Variants in TAF2 observed in about 807,000 individuals in gnomAD.
The protein encoded by TAF2 is transcription initiation factor TFIID subunit 2.
A neutral mutation model predicts 138.5 loss-of-function variants in TAF2; 61 were observed. That is an observed-to-expected ratio of 0.44 (90% CI 0.36 to 0.54). The LOEUF (loss-of-function observed/expected upper bound fraction) is 0.54. Among genes scored for constraint, TAF2 ranks in the 20% least tolerant of loss-of-function variants. The pLI, the probability that TAF2 is intolerant of heterozygous loss-of-function variation, is 0.00. For synonymous variants in TAF2, 475 were observed against 469.9 expected (o/e 1.01, Z -0.14); for missense variants, 1,090 against 1,427.9 (o/e 0.76, Z 3.81).
chr8:119,793,159 A>C (rs1823559969), intron 10 of TAF2, among the ~76,000 whole-genome samples: 1 of 152,162 alleles, frequency 6.6e-6, no homozygotes, highest in Admixed American at 6.5e-5. Context: ...TTTATAATCA[A>C]TCTGATATTT....
At chr8:119,740,325 G>A (rs1819509638) in intron 25 of TAF2, among the ~76,000 whole-genome samples, 1 of 151,868 alleles carries the variant, frequency 6.6e-6, no homozygotes, top group Non-Finnish European at 1.5e-5. Context: ...GAGTTGTAAA[G>A]CTTTTGTTGG....
chr8:119,767,513 G>GC (rs954697497), intron 18 of TAF2, among the ~76,000 whole-genome samples: 1 of 152,136 alleles, frequency 6.6e-6, no homozygotes, highest in African/African-American at 2.4e-5. Flanking sequence ...ACACCTCTTG[G>GC]CCCCTCAGGC....
In TAF2 at chr8:119,763,252, A is replaced by C. The variant is rs376922593; in HGVS notation, c.2365-644T>G. The stretch of plus-strand genomic sequence containing the variant: ...AAAGCAAGGCACATACAAACAAACA[A>C]CACCAAAGAAAAAATACCCCAAAAG... On this transcript the variant is annotated intron_variant, in intron 18 of 25. Transcript: ENST00000378164. Among the ~76,000 whole-genome samples the C allele has an allele frequency of 1.6e-4, 25 of 152,292 alleles. No individual in the cohort carries two copies. The East Asian group carries it at 3.5e-3, about 21-fold the overall frequency.
intron 4 of TAF2, among the ~76,000 whole-genome samples, chr8:119,804,491 T>C (rs1241459718): frequency 6.6e-6 from 1 of 152,178 alleles, no homozygotes; most frequent in African/African-American, 2.4e-5. Flanking sequence ...GGCAAGTCTT[T>C]CCCTTGCTGT....
chr8:119,831,623 G>A (rs1298587934), intron 2 of TAF2, 54 bp downstream of exon 2: 2 of 1,343,746 alleles, frequency 1.5e-6, no homozygotes, highest in African/African-American at 2.9e-5. Context: ...GGGGTGGATT[G>A]TTACTCTTTA....
At chr8:119,811,997 A>G (rs1825103797) in intron 3 of TAF2, among the ~76,000 whole-genome samples, 1 of 152,110 alleles carries the variant, frequency 6.6e-6, no homozygotes, top group Non-Finnish European at 1.5e-5. Context: ...TAGAGCGTTT[A>G]CATGAGCCAA....
At chr8:119,785,136 T>C (rs778877053) in intron 15 of TAF2, 65 bp downstream of exon 15, 21 of 1,350,682 alleles carry the variant, frequency 1.6e-5, no homozygotes, top group Non-Finnish European at 2.0e-5. Context: ...TACGTACGCA[T>C]AACAAAGTAG....
At chr8:119,786,951 C>G (rs1478943530) in intron 14 of TAF2, among the ~76,000 whole-genome samples, 1 of 152,002 alleles carries the variant, frequency 6.6e-6, no homozygotes, top group African/African-American at 2.4e-5. Context: ...CCACAAAAAC[C>G]CTAGAAGAAA....
At position 119,828,904 on chromosome 8, in the gene TAF2, T is replaced by C. The variant is rs142387719; in HGVS notation, c.138+2773A>G. ...AGTCTCTGTCTCAGCTACTCGCCTC[T>C]GCCAGCGTAGCTCCAAAACCTCCAC... On this transcript the variant is annotated intron_variant, in intron 2 of 25. Coordinates refer to ENST00000378164, the MANE Select transcript of TAF2 (RefSeq NM_003184.4). Among the ~76,000 whole-genome samples the C allele has an allele frequency of 3.0e-3, 458 of 152,324 alleles. 1 individual carries two copies. Among genetic ancestry groups the C allele is most frequent in the African/African-American group, 0.011 (444 of 41,564 alleles).
chr8:119,799,651 C>T lies in TAF2; in HGVS notation c.793-1805G>A, dbSNP rs191523050. On this transcript the variant is annotated intron_variant, in intron 6 of 25. Coordinates refer to ENST00000378164, the MANE Select transcript of TAF2 (RefSeq NM_003184.4). ...CTTTATAGCAGCATGATTTATAATCCTTTGGGTATATACCCAGTAATGGGA... is the reference window on the plus strand; with the variant it reads ...CTTTATAGCAGCATGATTTATAATCTTTTGGGTATATACCCAGTAATGGGA... Among the ~76,000 whole-genome samples, 1,402 of 152,254 alleles carry T rather than the reference C, an allele frequency of 9.2e-3. 11 individuals carry two copies. The highest frequency in any genetic ancestry group is 0.071 in the Middle Eastern group (21 of 294).
At chr8:119,780,127 T>C (rs1451515089) in intron 17 of TAF2, among the ~76,000 whole-genome samples, 1 of 138,954 alleles carries the variant, frequency 7.2e-6, no homozygotes, top group Non-Finnish European at 1.5e-5. Flanking sequence ...TAGTTCAATC[T>C]AGTTAATCTG....
At chr8:119,809,602 T>C (rs571188828) in intron 3 of TAF2, among the ~76,000 whole-genome samples, 1 of 152,330 alleles carries the variant, frequency 6.6e-6, no homozygotes, top group Non-Finnish European at 1.5e-5. Context: ...GTGTGAGATA[T>C]GAGACTCTTC....
At chr8:119,791,281 G>A in intron 11 of TAF2, 43 bp downstream of exon 11, 1 of 1,602,680 alleles carries the variant, frequency 6.2e-7, no homozygotes, top group Non-Finnish European at 8.5e-7. Flanking sequence ...TACACATACA[G>A]ATCTTTATTT....
At chr8:119,762,268 T>G in intron 19 of TAF2, 147 bp downstream of exon 19, 2 of 743,886 alleles carry the variant, frequency 2.7e-6, no homozygotes, top group Non-Finnish European at 4.3e-6. Context: ...CTCCAAATAC[T>G]AATAATTTAT....
intron 23 of TAF2, 26 bp from the exon 24 acceptor site, chr8:119,744,419 G>A: frequency 1.3e-6 from 2 of 1,587,138 alleles, no homozygotes; most frequent in South Asian, 1.1e-5. Flanking sequence ...ATAAAACAGA[G>A]GATAAAAGAA....
At chr8:119,777,237 T>A (rs1822317055) in intron 18 of TAF2, among the ~76,000 whole-genome samples, 1 of 152,112 alleles carries the variant, frequency 6.6e-6, no homozygotes, top group South Asian at 2.1e-4. Flanking sequence ...CTGGAACCAA[T>A]CCCCCATGGA....
intron 3 of TAF2, among the ~76,000 whole-genome samples, chr8:119,814,173 G>A (rs768969165): frequency 4.0e-5 from 6 of 151,798 alleles, no homozygotes; most frequent in Admixed American, 6.6e-5. Flanking sequence ...GAGCCCTGCC[G>A]AACTGGAAGT....
At chr8:119,818,642 T>C (rs1825629737) in intron 3 of TAF2, among the ~76,000 whole-genome samples, 1 of 151,572 alleles carries the variant, frequency 6.6e-6, no homozygotes, top group Non-Finnish European at 1.5e-5. Flanking sequence ...GACTGCAAAA[T>C]GCCAAAAAAC....
intron 25 of TAF2, 132 bp downstream of exon 25, chr8:119,742,402 T>C: frequency 3.6e-6 from 4 of 1,103,626 alleles, no homozygotes; most frequent in East Asian, 2.7e-5. Flanking sequence ...ATAAGCTCAA[T>C]GTATTACAAG....
Sources: allele counts gnomAD v4.1 joint callset (sites outside exome capture counted in the v4.1 genomes callset), GRCh38; gene constraint gnomAD v4.1.1; transcripts MANE v1.5; gene names NCBI Gene and HGNC (gene_info 2026-07-23, HGNC 2026-07-21).